The following GMPS variants were observed in gnomAD, a reference collection of about 807,000 sequenced individuals.
GMPS encodes the protein GMP synthase [glutamine-hydrolyzing].
A neutral mutation model predicts 77.9 loss-of-function variants in GMPS; 15 were observed. That is an observed-to-expected ratio of 0.19 (90% CI 0.13 to 0.30). The LOEUF (loss-of-function observed/expected upper bound fraction) is 0.30. Among genes scored for constraint, GMPS ranks in the 10% least tolerant of loss-of-function variants. The probability of loss-of-function intolerance (pLI) is 1.00; values close to 1 mark genes in which losing one functional copy is unlikely to be tolerated. For synonymous variants in GMPS, 224 were observed against 275.9 expected, an observed-to-expected ratio of 0.81 and a Z score of 1.86; for missense variants, 590 against 838.8, an observed-to-expected ratio of 0.70 and a Z score of 3.66.
At chr3:155,918,038 A>G (rs533839122) in intron 9 of GMPS, among the ~76,000 whole-genome samples, 1 of 152,340 alleles carries the variant, frequency 6.6e-6, no homozygotes, top group African/African-American at 2.4e-5. Flanking sequence ...CTTATTGTCC[A>G]TAGCAATTGC....
In GMPS at chr3:155,898,015, G is replaced by A. The variant is rs1223601395; in HGVS notation, c.298G>A (p.Val100Ile). 15 of 1,605,866 alleles carry A rather than the reference G, an allele frequency of 9.3e-6. No individual in the cohort carries two copies. The highest frequency in any genetic ancestry group is 1.3e-5 in the Non-Finnish European group (15 of 1,172,658). The change falls in exon 3 of 16, where the codon GTT becomes ATT. Residue 100 changes from valine to isoleucine, a missense_variant. Around this residue, in one of 6 missense-constraint regions of GMPS, gnomAD observed 136 missense variants for 225.6 expected, o/e 0.60. Transcript: ENST00000496455. ...DPAIFTIGKP[V>I]LGICYGMQMM... ...AGCAATATTCACTATTGGCAAGCCT[G>A]TTCTTGGAATTTGCTATGGTATGCA... is the stretch of plus-strand genomic sequence containing the variant.
At chr3:155,870,286 C>T (rs1753866394), upstream of GMPS, among the ~76,000 whole-genome samples, 1 of 152,248 alleles carries the variant, frequency 6.6e-6, no homozygotes, top group African/African-American at 2.4e-5. Flanking sequence ...CCGCCAGCCT[C>T]CCGAAGTCAT....
In GMPS at chr3:155,931,893, G is replaced by C. The variant is rs1755633636; in HGVS notation, c.1676+13G>C. 1 of 1,191,838 alleles carries C rather than the reference G, an allele frequency of 8.4e-7. No individual in the cohort carries two copies. Among genetic ancestry groups the C allele is most frequent in the East Asian group, 2.3e-5 (1 of 42,744 alleles). 73.8% of individuals were successfully genotyped at this position (1,191,838 alleles called of 1,614,324 possible). A position where few individuals can be genotyped will look rare whatever the true frequency, so the allele number is the denominator to read the frequency against. On this transcript the variant is annotated intron_variant, in intron 13 of 15. Transcript: ENST00000496455. ...ACAACGTTAACAGGTGTGTTTCACA[G>C]GAGCTAGGGTGGGGGCTTGTGTAAT... is the stretch of plus-strand genomic sequence containing the variant.
intron 1 of GMPS, among the ~76,000 whole-genome samples, chr3:155,881,090 T>C (rs1239445068): frequency 6.6e-6 from 1 of 151,908 alleles, no homozygotes; most frequent in African/African-American, 2.4e-5. Flanking sequence ...ATTGTATATA[T>C]TTATGGGGTA....
At chr3:155,916,342 C>T (rs1755178810) in intron 9 of GMPS, 150 bp downstream of exon 9, 1 of 604,508 alleles carries the variant, frequency 1.7e-6, no homozygotes, top group Admixed American at 3.1e-5. Context: ...GAACCTTATA[C>T]CCATTAGCAG....
intron 1 of GMPS, among the ~76,000 whole-genome samples, chr3:155,872,310 G>C (rs1041436354): frequency 2.0e-5 from 3 of 152,204 alleles, no homozygotes; most frequent in Admixed American, 1.3e-4. Context: ...CACCAGTGGT[G>C]CTTAGGTCCA....
chr3:155,902,487 G>C (rs1242089506), intron 3 of GMPS, among the ~76,000 whole-genome samples: 2 of 152,202 alleles, frequency 1.3e-5, no homozygotes, highest in Non-Finnish European at 2.9e-5. Context: ...TAAAATTCAA[G>C]TCTGTGTCCA....
intron 3 of GMPS, among the ~76,000 whole-genome samples, chr3:155,902,015 T>A (rs1050934618): frequency 6.6e-6 from 1 of 152,196 alleles, no homozygotes; most frequent in Non-Finnish European, 1.5e-5. Context: ...CTAAAACTTA[T>A]AAAACTTTGA....
At chr3:155,908,408 T>C (rs917841230) in intron 5 of GMPS, among the ~76,000 whole-genome samples, 5 of 152,348 alleles carry the variant, frequency 3.3e-5, no homozygotes, top group Non-Finnish European at 7.3e-5. Context: ...TTTCCCTTTT[T>C]CTCAATAAAT....
chr3:155,914,358 T>C, intron 7 of GMPS, 61 bp from the exon 8 acceptor site: 1 of 1,225,486 alleles, frequency 8.2e-7, no homozygotes, highest in Non-Finnish European at 1.1e-6. Flanking sequence ...TATTTTGACT[T>C]GTTATTTTTG....
intron 3 of GMPS, among the ~76,000 whole-genome samples, 155 bp from the exon 4 acceptor site, chr3:155,903,706 AAT>A (rs1754789713): frequency 6.6e-6 from 1 of 152,226 alleles, no homozygotes. Context: ...TATATATAAC[AAT>A]ACCAAATGGT....
chr3:155,915,476 A>G (rs1055843896), intron 8 of GMPS, among the ~76,000 whole-genome samples: 46 of 152,108 alleles, frequency 3.0e-4, no homozygotes, highest in African/African-American at 1.0e-3. Flanking sequence ...ATCTTGGCTC[A>G]CTGCAAACTT....
rs776210090 is a variant in GMPS at position 155,931,760 on chromosome 3, T to C, written c.1561-5T>C. Reference sequence around the variant, plus strand: ...AAAAATTATTGATTATCTTTTTATTTTCAGGGTGACTGTCGTTCCTACAGT... The same window carrying C: ...AAAAATTATTGATTATCTTTTTATTCTCAGGGTGACTGTCGTTCCTACAGT... On this transcript the variant is annotated splice_region_variant and splice_polypyrimidine_tract_variant and intron_variant, in intron 12 of 15. Transcript: ENST00000496455. The C allele has an allele frequency of 1.1e-5, 14 of 1,232,456 alleles. No homozygotes were observed. In the African/African-American group the frequency reaches 2.1e-4, roughly 18 times the overall value. The allele number at this position is 1,232,456 out of a possible 1,614,324, so 76.3% of individuals were successfully genotyped here.
chr3:155,888,208 CTTTT>C (rs34327298), intron 1 of GMPS, among the ~76,000 whole-genome samples: 5 of 134,866 alleles, frequency 3.7e-5, no homozygotes, highest in Non-Finnish European at 3.2e-5. Context: ...TACCCAAAGG[CTTTT>C]TTTTTTTTTT....
chr3:155,881,960 TG>T (rs1248686285), intron 1 of GMPS, among the ~76,000 whole-genome samples: 5 of 152,138 alleles, frequency 3.3e-5, no homozygotes, highest in Non-Finnish European at 7.3e-5. Context: ...CCCAGCCACC[TG>T]GGAGACTGAG....
At chr3:155,914,944 C>T (rs1755136170) in intron 8 of GMPS, among the ~76,000 whole-genome samples, 1 of 149,506 alleles carries the variant, frequency 6.7e-6, no homozygotes, top group Non-Finnish European at 1.5e-5. Context: ...AATTTTTGTA[C>T]TTTTAGTAGA....
Position 155,938,798 on chromosome 3 carries a change from G to A in GMPS, c.*1106G>A. ...GCTATAAGAGAGGATTTAAGAACTG[G>A]TGTAGGACTTGTTGCCATCACCACC... On this transcript the variant is annotated 3_prime_UTR_variant, in exon 16 of 16. Transcript: ENST00000496455. The A allele has an allele frequency of 4.7e-6, 1 of 211,858 alleles. No homozygotes were observed. The highest frequency in any genetic ancestry group is 7.1e-5 in the East Asian group (1 of 14,024). 13.1% of individuals were successfully genotyped at this position (211,858 alleles called of 1,614,324 possible).
chr3:155,898,439 C>T (rs541112870), intron 3 of GMPS, among the ~76,000 whole-genome samples: 1 of 152,214 alleles, frequency 6.6e-6, no homozygotes, highest in Non-Finnish European at 1.5e-5. Context: ...GACACTCTTA[C>T]TGCATAACCA....
chr3:155,937,034 A>G (rs6768724), intron 15 of GMPS, among the ~76,000 whole-genome samples: 134,265 of 152,228 alleles, frequency 0.88, 59,476 homozygotes, highest in African/African-American at 0.91. Flanking sequence ...ACTAACACGA[A>G]GCTGTCGTGA....
Sources: gnomAD v4.1 joint callset for allele counts (sites outside exome capture counted in the v4.1 genomes callset) on GRCh38, gnomAD v4.1.1 for gene constraint, gnomAD v4.1.1 regional missense constraint, MANE v1.5 for transcripts, NCBI Gene and HGNC (gene_info 2026-07-23, HGNC 2026-07-21) for gene names.